Variants in WNT7A observed in about 807,000 individuals in gnomAD.
WNT7A encodes Wnt family member 7A.
Under a neutral mutation model 28.2 loss-of-function variants are expected in WNT7A, and 16 were observed. That is an observed-to-expected ratio of 0.57 (90% CI 0.38 to 0.86). WNT7A has a LOEUF of 0.86. WNT7A is among the 40% of genes least tolerant of loss of function. The pLI is 0.00. For synonymous variants in WNT7A, 190 were observed against 195.9 expected (o/e 0.97, Z 0.25); for missense variants, 411 against 489.7 (o/e 0.84, Z 1.52).
At chr3:13,875,319 T>C in intron 1 of WNT7A, 146 bp from the exon 2 acceptor site, 1 of 727,568 alleles carries the variant, frequency 1.4e-6, no homozygotes. Context: ...CTAACTCATG[T>C]CCATTCGAAT....
At chr3:13,870,254 G>A (rs1695010142) in intron 2 of WNT7A, among the ~76,000 whole-genome samples, 1 of 152,258 alleles carries the variant, frequency 6.6e-6, no homozygotes, top group African/African-American at 2.4e-5. Context: ...CTGTTAGTGT[G>A]GGCCCTAATC....
At chr3:13,854,912 A>C in intron 2 of WNT7A, 109 bp from the exon 3 acceptor site, 1 of 1,451,862 alleles carries the variant, frequency 6.9e-7, no homozygotes, top group Non-Finnish European at 9.5e-7. Context: ...TGGCTCTCCA[A>C]AGCTCGACTG....
intron 3 of WNT7A, among the ~76,000 whole-genome samples, chr3:13,838,897 A>G (rs1468680200): frequency 6.6e-6 from 1 of 152,240 alleles, no homozygotes; most frequent in Non-Finnish European, 1.5e-5. Flanking sequence ...GGCTAGTCTG[A>G]ATTGAGATGT....
chr3:13,866,066 G>A (rs1694905710), intron 2 of WNT7A, among the ~76,000 whole-genome samples: 1 of 152,166 alleles, frequency 6.6e-6, no homozygotes, highest in Non-Finnish European at 1.5e-5. Context: ...ATGACAGGTT[G>A]CCCACTATCA....
rs563727752 is a variant in WNT7A at position 13,851,274 on chromosome 3, T to A, written c.570+3258A>T. Among the ~76,000 whole-genome samples the A allele has an allele frequency of 4.6e-5, 7 of 152,238 alleles. No homozygotes were observed. In the East Asian group the frequency reaches 1.4e-3, roughly 29 times the overall value. On this transcript the variant is annotated intron_variant, in intron 3 of 3. Coordinates refer to ENST00000285018, the MANE Select transcript of WNT7A (RefSeq NM_004625.4). Reference sequence around the variant, plus strand: ...CCTCTGGCCTAAGACAAAGTCCCACTCCTTGTTCTGGCATTCAAGGCTGTG... The same window carrying A: ...CCTCTGGCCTAAGACAAAGTCCCACACCTTGTTCTGGCATTCAAGGCTGTG...
intron 1 of WNT7A, among the ~76,000 whole-genome samples, chr3:13,875,666 T>C (rs916340238): frequency 2.0e-5 from 3 of 152,196 alleles, no homozygotes; most frequent in African/African-American, 7.2e-5. Flanking sequence ...AAAATCTGTT[T>C]TTTAATGTAT....
Position 13,879,932 on chromosome 3 carries a change from C to A in WNT7A, c.-116G>T, listed in dbSNP as rs556694969. ...GCGCGAGCCGAGGCGTCCCCGGGGC[C>A]GTCTGTCGGTGCGCCCGTCCGCGCG... On this transcript the variant is annotated 5_prime_UTR_variant, in exon 1 of 4. Coordinates refer to ENST00000285018, the MANE Select transcript of WNT7A (RefSeq NM_004625.4). 1.3e-5 allele frequency: 10 copies of A among 788,570 alleles called. No individual in the cohort carries two copies. The highest frequency in any genetic ancestry group is 4.3e-4 in the Middle Eastern group (1 of 2,330). 48.8% of individuals were successfully genotyped at this position (788,570 alleles called of 1,614,324 possible).
intron 3 of WNT7A, among the ~76,000 whole-genome samples, chr3:13,833,439 C>T (rs1694314642): frequency 6.6e-6 from 1 of 152,218 alleles, no homozygotes; most frequent in African/African-American, 2.4e-5. Flanking sequence ...ACCCACTGCA[C>T]ACTGGCATGG....
intron 3 of WNT7A, among the ~76,000 whole-genome samples, chr3:13,851,894 A>T (rs913159853): frequency 6.6e-6 from 1 of 152,230 alleles, no homozygotes. Flanking sequence ...CGAAATGCCA[A>T]TAGGGGAAAC....
At chr3:13,855,525 C>A (rs1694715426) in intron 2 of WNT7A, among the ~76,000 whole-genome samples, 1 of 152,196 alleles carries the variant, frequency 6.6e-6, no homozygotes, top group Non-Finnish European at 1.5e-5. Context: ...GGCCCCCTCA[C>A]TGGACTGTGA....
intron 1 of WNT7A, among the ~76,000 whole-genome samples, chr3:13,877,536 G>T (rs556859402): frequency 1.3e-5 from 2 of 152,304 alleles, no homozygotes; most frequent in East Asian, 3.9e-4. Context: ...GGCATACTGG[G>T]GCCAAAAATT....
At chr3:13,819,897 A>G (rs1170187281) in intron 3 of WNT7A, among the ~76,000 whole-genome samples, 2 of 152,226 alleles carry the variant, frequency 1.3e-5, no homozygotes, top group Non-Finnish European at 2.9e-5. Context: ...GAGTTGGGCC[A>G]TGAGCCATAT....
intron 1 of WNT7A, among the ~76,000 whole-genome samples, chr3:13,877,736 T>C (rs559241961): frequency 3.3e-5 from 5 of 152,272 alleles, no homozygotes; most frequent in Admixed American, 2.0e-4. Flanking sequence ...TGCTAGAACA[T>C]GGAAAGTGCT....
chr3:13,855,912 T>A (rs1300762775), intron 2 of WNT7A, among the ~76,000 whole-genome samples: 1 of 151,846 alleles, frequency 6.6e-6, no homozygotes, highest in Non-Finnish European at 1.5e-5. Context: ...AAGCAGCAAG[T>A]GAGGAGGCAG....
intron 2 of WNT7A, among the ~76,000 whole-genome samples, chr3:13,872,104 C>A (rs1277891547): frequency 6.6e-6 from 1 of 152,202 alleles, no homozygotes; most frequent in African/African-American, 2.4e-5. Flanking sequence ...GAGCCATTCC[C>A]TGGACACACA....
At chr3:13,870,900 G>T (rs1162973734) in intron 2 of WNT7A, among the ~76,000 whole-genome samples, 1 of 152,196 alleles carries the variant, frequency 6.6e-6, no homozygotes, top group Non-Finnish European at 1.5e-5. Context: ...ACCAGAGGTG[G>T]CTTGAATTGG....
At chr3:13,839,109 G>A (rs1004296065) in intron 3 of WNT7A, among the ~76,000 whole-genome samples, 11 of 152,196 alleles carry the variant, frequency 7.2e-5, no homozygotes, top group Admixed American at 5.2e-4. Flanking sequence ...ACTAGCAAAT[G>A]TCATATGACC....
chr3:13,876,704 C>G (rs1215108651), intron 1 of WNT7A, among the ~76,000 whole-genome samples: 1 of 151,376 alleles, frequency 6.6e-6, no homozygotes, highest in Non-Finnish European at 1.5e-5. Flanking sequence ...CACGTGCCAG[C>G]CTTCTCCCTG....
intron 2 of WNT7A, among the ~76,000 whole-genome samples, chr3:13,872,758 C>A (rs1427528898): frequency 6.6e-6 from 1 of 152,184 alleles, no homozygotes; most frequent in Non-Finnish European, 1.5e-5. Context: ...CCAGGCACTG[C>A]CCTGCACTGC....
Sources: allele counts gnomAD v4.1 joint callset (sites outside exome capture counted in the v4.1 genomes callset), GRCh38; gene constraint gnomAD v4.1.1; transcripts MANE v1.5; gene names NCBI Gene and HGNC (gene_info 2026-07-23, HGNC 2026-07-21).